Variants in ISG20 observed in about 807,000 individuals in gnomAD.
ISG20 encodes the protein interferon-stimulated gene 20 kDa protein.
A neutral mutation model predicts 11.1 loss-of-function variants in ISG20; 8 were observed. That is an observed-to-expected ratio of 0.72 (90% CI 0.42 to 1.30). The LOEUF (loss-of-function observed/expected upper bound fraction) is 1.30, where lower values mean the gene tolerates loss of function less well. ISG20 is among the 50% of genes most tolerant of loss of function. The pLI is 0.01. For synonymous variants in ISG20, 110 were observed against 101.7 expected (o/e 1.08, Z -0.49); for missense variants, 243 against 250.2 (o/e 0.97, Z 0.19).
rs1384675533 is a variant in ISG20 at position 88,650,213 on chromosome 15, C to G, written c.229-1897C>G. The G allele has an allele frequency of 6.5e-6, 10 of 1,531,270 alleles. No homozygotes were observed. The South Asian group carries it at 1.1e-4, about 16-fold the overall frequency. 94.9% of individuals were successfully genotyped at this position (1,531,270 alleles called of 1,614,324 possible). ...CGAGCCGCCCCTTTCCCTAATAGAG[C>G]TCACATCTGTTCTATTTTCAGGTCC... is the stretch of plus-strand genomic sequence containing the variant. On this transcript the variant is annotated intron_variant, in intron 2 of 3. Transcript: ENST00000306072. The surrounding 1 kb of genome is among the most constrained non-coding windows in gnomAD (Gnocchi z 4.0).
At position 88,656,372 on chromosome 15, in the gene ISG20, G is replaced by A. The variant is rs1431393714; in HGVS notation, c.*841G>A. ...GGGAGGGCATCCTGTATGGGGAGGA[G>A]GGTCTGGACCAGAGCTGTCCCTGAT... On this transcript the variant is annotated 3_prime_UTR_variant, in exon 4 of 4. Coordinates refer to ENST00000306072, the MANE Select transcript of ISG20 (RefSeq NM_002201.6). 6.6e-6 allele frequency: 1 copy of A among 152,110 alleles called. No individual in the cohort carries two copies. Among genetic ancestry groups the A allele is most frequent in the Admixed American group, 6.6e-5 (1 of 15,264 alleles). The allele number at this position is 152,110 out of a possible 1,614,324, so 9.4% of individuals were successfully genotyped here.
intron 2 of ISG20, chr15:88,647,780 A>G (rs1483350139): frequency 2.0e-5 from 3 of 152,264 alleles, no homozygotes; most frequent in African/African-American, 7.2e-5. Flanking sequence ...TCAACCCAGC[A>G]TAAGGAGGGG....
chr15:88,637,724 C>T (rs914963988), upstream of ISG20, among the ~76,000 whole-genome samples: 2 of 152,104 alleles, frequency 1.3e-5, no homozygotes, highest in African/African-American at 4.8e-5. Context: ...CTGAGGAGCA[C>T]CACGGGGCAC....
intron 2 of ISG20, among the ~76,000 whole-genome samples, chr15:88,640,342 C>G (rs1290933550): frequency 6.6e-6 from 1 of 152,142 alleles, no homozygotes; most frequent in East Asian, 1.9e-4. Context: ...GCTCCAGGTG[C>G]TGGGGATGAA....
At chr15:88,642,126 G>A (rs559799297) in intron 2 of ISG20, among the ~76,000 whole-genome samples, 3 of 151,592 alleles carry the variant, frequency 2.0e-5, no homozygotes, top group African/African-American at 4.9e-5. Flanking sequence ...ACGGGGTTTC[G>A]CCCTGTTGCC....
At chr15:88,637,854 G>T (rs887625560), upstream of ISG20, among the ~76,000 whole-genome samples, 5 of 152,054 alleles carry the variant, frequency 3.3e-5, no homozygotes, top group African/African-American at 9.7e-5. Flanking sequence ...CTAAATCAGG[G>T]TAACCTTTAT....
At chr15:88,637,967 G>GA (rs1379801894), upstream of ISG20, among the ~76,000 whole-genome samples, 1 of 152,170 alleles carries the variant, frequency 6.6e-6, no homozygotes, top group Non-Finnish European at 1.5e-5. Flanking sequence ...TGCATCCAGT[G>GA]AACAGTAAGC....
upstream of ISG20, among the ~76,000 whole-genome samples, chr15:88,638,587 A>G (rs2058022691): frequency 6.6e-6 from 1 of 152,226 alleles, no homozygotes; most frequent in Non-Finnish European, 1.5e-5. Context: ...AAAAGCCTGT[A>G]TGTCCCAAGA....
Position 88,655,546 on chromosome 15 carries a change from C to T in ISG20, c.*15C>T, listed in dbSNP as rs2058362924. ...TGTCAGACTGAAGCCCCATCCAGCCCGTTCCGCAGGGACTAGAGGCTTTCG... is the reference window on the plus strand; with the variant it reads ...TGTCAGACTGAAGCCCCATCCAGCCTGTTCCGCAGGGACTAGAGGCTTTCG... On this transcript the variant is annotated 3_prime_UTR_variant, in exon 4 of 4. Transcript: ENST00000306072. 6 of 1,601,730 alleles carry T rather than the reference C, an allele frequency of 3.7e-6. No homozygotes were observed. In the Admixed American group the frequency reaches 5.1e-5, roughly 14 times the overall value.
chr15:88,648,220 T>C (rs960116578), intron 2 of ISG20: 2 of 152,244 alleles, frequency 1.3e-5, no homozygotes, highest in Non-Finnish European at 2.9e-5. Context: ...TAGTGTATAA[T>C]GGATGAATGA....
At chr15:88,642,046 G>A (rs149552462) in intron 2 of ISG20, among the ~76,000 whole-genome samples, 39 of 145,658 alleles carry the variant, frequency 2.7e-4, no homozygotes, top group African/African-American at 8.1e-4. Context: ...CGATTTTCCC[G>A]CCTCAGCCTC....
At chr15:88,649,966 C>T (rs948347558) in intron 2 of ISG20, 1 of 473,668 alleles carries the variant, frequency 2.1e-6, no homozygotes, top group African/African-American at 2.0e-5. Flanking sequence ...CACATCTCCT[C>T]TCTGAGCCTC....
intron 2 of ISG20, among the ~76,000 whole-genome samples, chr15:88,642,098 T>A (rs1003640205): frequency 1.3e-5 from 2 of 152,076 alleles, no homozygotes; most frequent in Admixed American, 6.5e-5. Flanking sequence ...CCTGGCTAAT[T>A]TTTTATTTTT....
chr15:88,641,464 G>C (rs982352722), intron 2 of ISG20, among the ~76,000 whole-genome samples: 1 of 152,120 alleles, frequency 6.6e-6, no homozygotes, highest in African/African-American at 2.4e-5. Context: ...GCCCAGGTTG[G>C]TTCCTTTTGA....
chr15:88,644,215 G>C (rs1174661175), intron 2 of ISG20, among the ~76,000 whole-genome samples: 2 of 152,164 alleles, frequency 1.3e-5, no homozygotes, highest in Non-Finnish European at 2.9e-5. Context: ...ATGCAGGATA[G>C]ATGGGAGCGA....
chr15:88,655,829 G>T lies in ISG20; in HGVS notation c.*298G>T, dbSNP rs1393498293. The T allele has an allele frequency of 3.8e-6, 1 of 264,352 alleles. No individual in the cohort carries two copies. Among genetic ancestry groups the T allele is most frequent in the East Asian group, 1.1e-4 (1 of 8,958 alleles). 16.4% of individuals were successfully genotyped at this position (264,352 alleles called of 1,614,324 possible). On this transcript the variant is annotated 3_prime_UTR_variant, in exon 4 of 4. Coordinates refer to ENST00000306072, the MANE Select transcript of ISG20 (RefSeq NM_002201.6). ...TGGCTTGGAAATCTAAGTAGCATGT[G>T]GCTTAATTACTAATCCCACCCTTTG...
chr15:88,635,887 A>G (rs1471834907), upstream of ISG20, among the ~76,000 whole-genome samples: 1 of 152,208 alleles, frequency 6.6e-6, no homozygotes, highest in Non-Finnish European at 1.5e-5. Flanking sequence ...ATCTCTCCCA[A>G]AATTTCCAAT....
rs200255252 is a variant in ISG20 at position 88,652,190 on chromosome 15, C to T, written c.309C>T (p.Ser103=). The T allele has an allele frequency of 5.7e-5, 92 of 1,614,016 alleles. No homozygotes were observed. Among genetic ancestry groups the T allele is most frequent in the Admixed American group, 4.8e-4 (29 of 60,006 alleles). The part of the protein sequence containing the change: ...HDFQALKEDM[S]GYTIYDTSTD... ...TCCAGGCACTGAAAGAGGACATGAG[C>T]GGCTACACAATCTACGACACGTCCA... Residue 103 remains serine, a synonymous_variant, in exon 3 of 4, where the codon AGC becomes AGT. Coordinates refer to ENST00000306072, the MANE Select transcript of ISG20 (RefSeq NM_002201.6).
intron 2 of ISG20, chr15:88,647,501 A>G (rs529356616): frequency 1.3e-5 from 2 of 152,304 alleles, no homozygotes; most frequent in Non-Finnish European, 2.9e-5. Flanking sequence ...CCCACATGGC[A>G]ACAGTGCTAA....
Sources: allele counts gnomAD v4.1 joint callset (sites outside exome capture counted in the v4.1 genomes callset), GRCh38; gene constraint gnomAD v4.1.1; non-coding constraint Gnocchi (gnomAD v3.1); transcripts MANE v1.5; gene names NCBI Gene and HGNC (gene_info 2026-07-23, HGNC 2026-07-21).